PRSS1: variants seen among roughly 807,000 people sequenced by gnomAD.
PRSS1 encodes TCR V beta 4.1.
A neutral mutation model predicts 24.2 loss-of-function variants in PRSS1; 22 were observed. The ratio of observed to expected loss-of-function variants is 0.91; its 90% CI spans 0.65 to 1.30. The LOEUF is 1.30. PRSS1 is among the 50% of genes most tolerant of loss of function. The pLI, the probability that PRSS1 is intolerant of heterozygous loss-of-function variation, is 0.00. For synonymous variants in PRSS1, 126 were observed against 116.1 expected (o/e 1.08, Z -0.55); for missense variants, 366 against 304.2 (o/e 1.20, Z -1.51).
chr7:142,753,029 G>C lies in PRSS1; in HGVS notation c.*9G>C. ...TAGCTGCCAATAGCTAAAGCCCCCA[G>C]TATCTCTTCAGTCTCTATACCAATA... On this transcript the variant is annotated 3_prime_UTR_variant, in exon 5 of 5. Coordinates refer to ENST00000311737, the MANE Select transcript of PRSS1 (RefSeq NM_002769.5). 1 of 1,564,608 alleles carries C rather than the reference G, an allele frequency of 6.4e-7. No homozygotes were observed. Among genetic ancestry groups the C allele is most frequent in the South Asian group, 1.1e-5 (1 of 90,414 alleles).
intron 1 of PRSS1, 50 bp downstream of exon 1, chr7:142,749,574 C>G (rs370882990): frequency 1.4e-6 from 2 of 1,414,388 alleles, no homozygotes; most frequent in African/African-American, 1.5e-5. Context: ...CGTTCCTGGC[C>G]GACAAATGCC....
At chr7:142,752,840 CATA>C in intron 4 of PRSS1, 25 bp from the exon 5 acceptor site, 1 of 1,604,810 alleles carries the variant, frequency 6.2e-7, no homozygotes, top group East Asian at 2.2e-5. Flanking sequence ...TCCATCTCTC[CATA>C]CAACTTGTCC....
rs537305061 is a variant in PRSS1, at chr7:142,750,776, A to C, written c.200+62A>C. The stretch of plus-strand genomic sequence containing the variant: ...AGTCTGCCTGGGAGAGCTTGGCTTC[A>C]GCCCAGGGAACTACTGAGGTTGGGT... On this transcript the variant is annotated intron_variant, in intron 2 of 4. Transcript: ENST00000311737. 2.5e-4 allele frequency: 410 copies of C among 1,610,012 alleles called. 3 individuals are homozygous for C. The African/African-American group carries it at 4.8e-3, about 19-fold the overall frequency.
chr7:142,749,791 G>C (rs532555597), intron 1 of PRSS1, among the ~76,000 whole-genome samples: 57 of 142,580 alleles, frequency 4.0e-4, no homozygotes, highest in South Asian at 8.8e-4. Flanking sequence ...GCTGTCCCAC[G>C]AAATGAAGCA....
At chr7:142,750,510 T>G in intron 1 of PRSS1, 45 bp from the exon 2 acceptor site, 1 of 1,613,486 alleles carries the variant, frequency 6.2e-7, no homozygotes, top group Non-Finnish European at 8.5e-7. Context: ...GCGCCACCCC[T>G]AACATGCTAT....
chr7:142,750,621 C>T lies in PRSS1; in HGVS notation c.107C>T (p.Pro36Leu). 6.2e-7 allele frequency: 1 copy of T among 1,614,000 alleles called. No homozygotes were observed. Among genetic ancestry groups the T allele is most frequent in the Middle Eastern group, 1.7e-4 (1 of 6,056 alleles). ...GGYNCEENSV[P>L]YQVSLNSGYH... The stretch of plus-strand genomic sequence containing the variant: ...TACAACTGTGAGGAGAATTCTGTCC[C>T]CTACCAGGTGTCCCTGAATTCTGGC... The change falls in exon 2 of 5, where the codon CCC becomes CTC. Residue 36 changes from proline to leucine, a missense_variant. Physicochemically the swap from Pro to Leu is moderately conservative, Grantham distance 98. Coordinates refer to ENST00000311737, the MANE Select transcript of PRSS1 (RefSeq NM_002769.5).
chr7:142,751,578 C>A, intron 2 of PRSS1, 196 bp from the exon 3 acceptor site: 1 of 986,282 alleles, frequency 1.0e-6, no homozygotes, highest in Non-Finnish European at 1.5e-6. Context: ...CTACCACCAA[C>A]CTCTGGAGCA....
Position 142,750,551 on chromosome 7 carries a change from C to G in PRSS1, c.41-4C>G, listed in dbSNP as rs1409545464. ...TGCCTTCTCCCTTCCCATCTCCACT[C>G]CAGTTGCTGCCCCCTTTGATGATGA... On this transcript the variant is annotated splice_polypyrimidine_tract_variant and splice_region_variant and intron_variant, in intron 1 of 4. Coordinates refer to ENST00000311737, the MANE Select transcript of PRSS1 (RefSeq NM_002769.5). 6.2e-7 allele frequency: 1 copy of G among 1,614,028 alleles called. No homozygotes were observed. The highest frequency in any genetic ancestry group is 2.2e-5 in the East Asian group (1 of 44,880).
At position 142,751,958 on chromosome 7, in the gene PRSS1, C is replaced by T. The variant is rs1798775957; in HGVS notation, c.385C>T (p.Pro129Ser). 6.2e-7 allele frequency: 1 copy of T among 1,614,060 alleles called. No homozygotes were observed. Among genetic ancestry groups the T allele is most frequent in the Non-Finnish European group, 8.5e-7 (1 of 1,179,996 alleles). Residue 129 changes from proline to serine, a missense_variant, in exon 3 of 5, where the codon CCC (proline) becomes TCC (serine). Coordinates refer to ENST00000311737, the MANE Select transcript of PRSS1 (RefSeq NM_002769.5). The stretch of plus-strand genomic sequence containing the variant: ...CGCCCGCGTGTCCACCATCTCTCTG[C>T]CCACCGCCCCTCCAGCCACTGGCAC... ...INARVSTISL[P>S]TAPPATGTKC...
At chr7:142,749,940 G>T (rs909608398) in intron 1 of PRSS1, among the ~76,000 whole-genome samples, 1 of 150,100 alleles carries the variant, frequency 6.7e-6, no homozygotes, top group Non-Finnish European at 1.5e-5. Flanking sequence ...ATTGTCTGGG[G>T]TAGAGCTTGT....
chr7:142,752,148 A>C, intron 3 of PRSS1, 121 bp downstream of exon 3: 1 of 1,481,462 alleles, frequency 6.8e-7, no homozygotes, highest in South Asian at 1.1e-5. Context: ...TGCCCATTAC[A>C]CACAGACTCT....
chr7:142,752,836 T>A (rs376910108), intron 4 of PRSS1, 32 bp from the exon 5 acceptor site: 5 of 1,609,634 alleles, frequency 3.1e-6, no homozygotes, highest in Non-Finnish European at 4.3e-6. Flanking sequence ...CTCCTCCATC[T>A]CTCCATACAA....
intron 4 of PRSS1, 40 bp downstream of exon 4, chr7:142,752,607 A>G (rs1798842949): frequency 3.1e-6 from 5 of 1,614,068 alleles, no homozygotes; most frequent in Non-Finnish European, 3.4e-6. Context: ...GCTCCCACTG[A>G]TACCTAGGCC....
intron 2 of PRSS1, 135 bp from the exon 3 acceptor site, chr7:142,751,639 A>G: frequency 6.5e-7 from 1 of 1,534,730 alleles, no homozygotes; most frequent in South Asian, 1.2e-5. Context: ...TCTGCTGCCC[A>G]TGCGATATGG....
intron 3 of PRSS1, among the ~76,000 whole-genome samples, 199 bp from the exon 4 acceptor site, chr7:142,752,232 C>T (rs1249514308): frequency 6.6e-5 from 10 of 152,140 alleles, no homozygotes; most frequent in Non-Finnish European, 1.5e-4. Flanking sequence ...AAATGGAGAA[C>T]TTGATATGAT....
intron 2 of PRSS1, chr7:142,751,106 T>C: frequency 1.4e-6 from 1 of 702,594 alleles, no homozygotes; most frequent in Non-Finnish European, 2.6e-6. Flanking sequence ...AGGGTGTGAA[T>C]ATCAGTGAGA....
At chr7:142,751,071 CAATT>C in intron 2 of PRSS1, 1 of 701,282 alleles carries the variant, frequency 1.4e-6, no homozygotes, top group Non-Finnish European at 2.6e-6. Context: ...TATCCCAGGG[CAATT>C]AAGTCAAAAT....
chr7:142,749,598 C>A, intron 1 of PRSS1, 74 bp downstream of exon 1: 2 of 1,534,370 alleles, frequency 1.3e-6, no homozygotes, highest in Non-Finnish European at 1.8e-6. Context: ...CCATTCTTAC[C>A]ACCTCTCCTC....
chr7:142,751,221 A>T, intron 2 of PRSS1: 1 of 636,524 alleles, frequency 1.6e-6, no homozygotes, highest in East Asian at 2.7e-5. Context: ...AACGCCCTGC[A>T]GGCTTGTTAA....
Sources: allele counts gnomAD v4.1 joint callset (sites outside exome capture counted in the v4.1 genomes callset), GRCh38; gene constraint gnomAD v4.1.1; transcripts MANE v1.5; gene names NCBI Gene and HGNC (gene_info 2026-07-23, HGNC 2026-07-21).